Variants in TSBP1 observed in about 807,000 individuals in gnomAD.
The protein encoded by TSBP1 is testis-expressed basic protein 1.
A neutral mutation model predicts 68.8 loss-of-function variants in TSBP1; 56 were observed. The ratio of observed to expected loss-of-function variants is 0.81; its 90% CI spans 0.66 to 1.02. TSBP1 has a LOEUF of 1.02. Ranked by LOEUF, TSBP1 falls within the 50% of genes least tolerant of loss-of-function variation. The pLI is 0.00. For missense variants in TSBP1, 502 were observed against 641.2 expected, an observed-to-expected ratio of 0.78 and a Z score of 2.34; for synonymous variants, 171 against 208.7, an observed-to-expected ratio of 0.82 and a Z score of 1.56.
intron 18 of TSBP1, among the ~76,000 whole-genome samples, chr6:32,319,137 C>T (rs1221071892): frequency 3.9e-5 from 6 of 152,258 alleles, no homozygotes; most frequent in Middle Eastern, 3.4e-3. Flanking sequence ...TGCTCTTCTC[C>T]GCTACCTAAA....
chr6:32,367,065 G>GTGTGTGTGTGTGTA (rs1313737529), intron 4 of TSBP1, among the ~76,000 whole-genome samples: 1 of 151,904 alleles, frequency 6.6e-6, no homozygotes, highest in Non-Finnish European at 1.5e-5. Context: ...GTGTGTGTGT[G>GTGTGTGTGTGTGTA]TGTGTGTGTG....
rs989888658 is a variant in TSBP1 at position 32,336,021 on chromosome 6, G to T, written c.431-89C>A. The T allele has an allele frequency of 8.3e-6, 9 of 1,089,090 alleles. No homozygotes were observed. The African/African-American group carries it at 1.2e-4, about 15-fold the overall frequency. 67.5% of individuals were successfully genotyped at this position (1,089,090 alleles called of 1,614,324 possible). ...TTCCATTTCCCAACACTCGCTCTAG[G>T]GAGTATCATAAATAGAAACAACGGG... On this transcript the variant is annotated intron_variant, in intron 12 of 22. Transcript: ENST00000612031. This position sits in a 1 kb window ranked among gnomAD's most constrained non-coding sequence, Gnocchi z 5.2.
In TSBP1 at chr6:32,325,687, C is replaced by T; in HGVS notation, c.515-2073G>A. On this transcript the variant is annotated intron_variant, in intron 16 of 22. Transcript: ENST00000612031. The surrounding 1 kb of genome is among the most constrained non-coding windows in gnomAD (Gnocchi z 4.4). ...CCTTTGTAACCTTTGATGACCATGACTCCGTGGATAAGACTGTCATTCAGA... is the reference window on the plus strand; with the variant it reads ...CCTTTGTAACCTTTGATGACCATGATTCCGTGGATAAGACTGTCATTCAGA... 9.4e-7 allele frequency: 1 copy of T among 1,060,458 alleles called. No homozygotes were observed. The highest frequency in any genetic ancestry group is 2.4e-5 in the East Asian group (1 of 42,382). The allele number at this position is 1,060,458 out of a possible 1,614,324, so 65.7% of individuals were successfully genotyped here.
intron 6 of TSBP1, 110 bp downstream of exon 6, chr6:32,366,057 T>C (rs1234916582): frequency 7.2e-7 from 1 of 1,381,034 alleles, no homozygotes; most frequent in Non-Finnish European, 9.7e-7. Flanking sequence ...GTAACTACTT[T>C]GATTTCTTCT....
At chr6:32,317,579 C>T (rs1767106854) in intron 18 of TSBP1, among the ~76,000 whole-genome samples, 1 of 152,132 alleles carries the variant, frequency 6.6e-6, no homozygotes, top group Non-Finnish European at 1.5e-5. Context: ...GTGTAATATC[C>T]AGCGCCTGTA....
chr6:32,313,452 T>A (rs370855327), intron 19 of TSBP1, among the ~76,000 whole-genome samples: 3 of 152,192 alleles, frequency 2.0e-5, no homozygotes, highest in South Asian at 2.1e-4. Context: ...AGACTTTTTC[T>A]TTTTTTTCCT....
At chr6:32,348,479 T>TTTTGTATGTTTGTTTTAG (rs780708414) in intron 9 of TSBP1, among the ~76,000 whole-genome samples, 10 of 130,546 alleles carry the variant, frequency 7.7e-5, no homozygotes, top group Admixed American at 7.7e-5. Flanking sequence ...TATTTTATAT[T>TTTTGTATGTTTGTTTTAG]AATTTACATT....
At chr6:32,310,761 A>ATATATATATATTTTTTT in intron 19 of TSBP1, among the ~76,000 whole-genome samples, 2 of 144,804 alleles carry the variant, frequency 1.4e-5, no homozygotes. Context: ...ATATATATAT[A>ATATATATATATTTTTTT]TTTTTAATCT....
chr6:32,302,779 C>A lies in TSBP1; in HGVS notation c.581-150G>T. ...ATGAAATATGATGAGACAACAGATC[C>A]CTTAGTGTGTTATAAGAACCTGACA... On this transcript the variant is annotated intron_variant, in intron 19 of 22. Transcript: ENST00000612031. This position sits in a 1 kb window ranked among gnomAD's most constrained non-coding sequence, Gnocchi z 5.1. The A allele has an allele frequency of 1.6e-6, 1 of 609,440 alleles. No individual in the cohort carries two copies. The highest frequency in any genetic ancestry group is 2.9e-6 in the Non-Finnish European group (1 of 344,476). The allele number at this position is 609,440 out of a possible 1,614,324, so 37.8% of individuals were successfully genotyped here.
In TSBP1 at chr6:32,366,050, A is replaced by C. The variant is rs3129927; in HGVS notation, c.217+117T>G. ...TGAACATTTCTCAGAATATTCTGTA[A>C]CTACTTTGATTTCTTCTTCTTTTTT... On this transcript the variant is annotated intron_variant, in intron 6 of 22. Coordinates refer to ENST00000612031, the Ensembl canonical transcript of TSBP1. The C allele has an allele frequency of 0.1, 135,677 of 1,360,406 alleles. 8,800 individuals carry two copies. The highest frequency in any genetic ancestry group is 0.12 in the Non-Finnish European group (122,396 of 999,308). 84.3% of individuals were successfully genotyped at this position (1,360,406 alleles called of 1,614,324 possible).
At chr6:32,293,116 T>C (rs761409888) in exon 23 of TSBP1, 1 of 1,599,384 alleles carries the variant, frequency 6.3e-7, no homozygotes, top group Non-Finnish European at 8.6e-7. Context: ...CTTTTGTGTT[T>C]TTGTCACCTT....
rs375562651 is a variant in TSBP1 at position 32,338,825 on chromosome 6, A to T, written c.409+154T>A. 9.2e-5 allele frequency among the ~76,000 whole-genome samples: 14 copies of T among 152,236 alleles called. No homozygotes were observed. Among genetic ancestry groups the T allele is most frequent in the African/African-American group, 3.4e-4 (14 of 41,464 alleles). On this transcript the variant is annotated intron_variant, in intron 11 of 22. Transcript: ENST00000612031. The surrounding 1 kb of genome is among the most constrained non-coding windows in gnomAD (Gnocchi z 5.5). ...TAGTACTTTCTTACAGAGGCACCCC[A>T]GTTTATTAAGATAAGAATAGGGAAT... is the stretch of plus-strand genomic sequence containing the variant.
At chr6:32,358,854 G>A (rs973643818) in intron 6 of TSBP1, among the ~76,000 whole-genome samples, 1 of 151,946 alleles carries the variant, frequency 6.6e-6, no homozygotes, top group Non-Finnish European at 1.5e-5. Flanking sequence ...TGGCTGTTGT[G>A]AATAGTGCCG....
At chr6:32,323,657 T>C (rs920954499) in intron 16 of TSBP1, 43 bp from the exon 18 acceptor site, 1 of 1,600,412 alleles carries the variant, frequency 6.2e-7, no homozygotes. Context: ...TTTTCTCCCA[T>C]GATATTTTCC....
Position 32,337,450 on chromosome 6 carries a change from A to G in TSBP1, c.410-815T>C, listed in dbSNP as rs952367486. Among the ~76,000 whole-genome samples the G allele has an allele frequency of 6.6e-6, 1 of 152,178 alleles. No homozygotes were observed. The highest frequency in any genetic ancestry group is 2.4e-5 in the African/African-American group (1 of 41,438). On this transcript the variant is annotated intron_variant, in intron 11 of 22. Coordinates refer to ENST00000612031, the Ensembl canonical transcript of TSBP1. The surrounding 1 kb of genome is among the most constrained non-coding windows in gnomAD (Gnocchi z 5.5). ...GCTAATTTGAACTTGCTTAGCTAGA[A>G]TCTATAGCCTCATCTGAAGGAGACA...
At chr6:32,368,047 T>A (rs935644987) in intron 3 of TSBP1, 90 bp from the exon 4 acceptor site, 9 of 1,000,832 alleles carry the variant, frequency 9.0e-6, no homozygotes, top group Non-Finnish European at 1.4e-5. Flanking sequence ...AAACATGAAC[T>A]CCTAATGGTG....
At chr6:32,309,788 A>C (rs1251212753) in intron 19 of TSBP1, among the ~76,000 whole-genome samples, 1 of 152,198 alleles carries the variant, frequency 6.6e-6, no homozygotes, top group Non-Finnish European at 1.5e-5. Flanking sequence ...CAAAATGTAC[A>C]ATAAATTTCC....
In TSBP1 at chr6:32,325,970, G is replaced by A. The variant is rs1768172998; in HGVS notation, c.515-2356C>T. Reference sequence around the variant, plus strand: ...TATAATGGATTTGGTAATGATGGGAGCAATTTTGGAGGTGGTGGAAGCTAC... The same window carrying A: ...TATAATGGATTTGGTAATGATGGGAACAATTTTGGAGGTGGTGGAAGCTAC... On this transcript the variant is annotated intron_variant, in intron 16 of 22. Transcript: ENST00000612031. The surrounding 1 kb of genome is among the most constrained non-coding windows in gnomAD (Gnocchi z 4.4). 5 of 1,554,284 alleles carry A rather than the reference G, an allele frequency of 3.2e-6. No homozygotes were observed. Among genetic ancestry groups the A allele is most frequent in the East Asian group, 4.5e-5 (2 of 44,650 alleles).
At chr6:32,334,912 T>C (rs1171642333) in intron 14 of TSBP1, among the ~76,000 whole-genome samples, 3 of 152,146 alleles carry the variant, frequency 2.0e-5, no homozygotes, top group Admixed American at 2.0e-4. Context: ...TGGGTGCCTG[T>C]AGTCCCAGCT....
Sources: allele counts gnomAD v4.1 joint callset (sites outside exome capture counted in the v4.1 genomes callset), GRCh38; gene constraint gnomAD v4.1.1; non-coding constraint Gnocchi (gnomAD v3.1); transcripts MANE v1.5; gene names NCBI Gene and HGNC (gene_info 2026-07-23, HGNC 2026-07-21).